The following PRKN variants were observed in gnomAD, a reference collection of about 807,000 sequenced individuals.
PRKN encodes the protein parkin RBR E3 ubiquitin protein ligase.
PRKN carries 56 observed loss-of-function variants against 59.5 expected under a neutral mutation model. That is an observed-to-expected ratio of 0.94 (90% CI 0.76 to 1.18). The LOEUF is 1.18. PRKN is among the 50% of genes most tolerant of loss of function. PRKN has a pLI of 0.00. For synonymous variants in PRKN, 250 were observed against 222.1 expected (o/e 1.13, Z -1.12); for missense variants, 657 against 596.4 (o/e 1.10, Z -1.06).
chr6:162,488,346 C>T (rs1792652333), intron 1 of PRKN, among the ~76,000 whole-genome samples: 1 of 152,128 alleles, frequency 6.6e-6, no homozygotes, highest in Admixed American at 6.5e-5. Flanking sequence ...ATGTATGTCC[C>T]ACGACAATAA....
intron 7 of PRKN, among the ~76,000 whole-genome samples, chr6:161,663,495 C>T (rs1029857843): frequency 6.6e-6 from 1 of 152,116 alleles, no homozygotes; most frequent in African/African-American, 2.4e-5. Flanking sequence ...TAATCGAACA[C>T]ATGGATACAA....
At chr6:161,840,497 C>A (rs1204767996) in intron 6 of PRKN, among the ~76,000 whole-genome samples, 5 of 152,156 alleles carry the variant, frequency 3.3e-5, no homozygotes, top group African/African-American at 7.2e-5. Context: ...AGGTTTGTTA[C>A]ATAGGTAAAT....
chr6:161,715,934 T>G, intron 7 of PRKN: 1 of 424,668 alleles, frequency 2.4e-6, no homozygotes, highest in Admixed American at 2.8e-5. Context: ...TGTTAGAAAC[T>G]CAAATTATGA....
chr6:161,534,883 A>C (rs779429195), intron 9 of PRKN, among the ~76,000 whole-genome samples: 7 of 152,244 alleles, frequency 4.6e-5, no homozygotes, highest in African/African-American at 7.2e-5. Context: ...GTTGCTAAAA[A>C]CAGCGTGATT....
At chr6:162,429,362 C>G (rs1583558929) in intron 2 of PRKN, among the ~76,000 whole-genome samples, 1 of 152,168 alleles carries the variant, frequency 6.6e-6, no homozygotes, top group Non-Finnish European at 1.5e-5. Context: ...CTGTCTTACC[C>G]ATCACCGGAA....
chr6:161,979,635 AG>A (rs1423257896), intron 5 of PRKN, among the ~76,000 whole-genome samples: 1 of 152,198 alleles, frequency 6.6e-6, no homozygotes, highest in Non-Finnish European at 1.5e-5. Flanking sequence ...TCAAGTTCTT[AG>A]AAAGGCTACT....
chr6:162,688,643 A>G (rs1267489446), intron 1 of PRKN, among the ~76,000 whole-genome samples: 2 of 152,210 alleles, frequency 1.3e-5, no homozygotes, highest in Non-Finnish European at 2.9e-5. Flanking sequence ...ACAGCATTAC[A>G]TATTTTACAT....
At chr6:162,594,102 A>G (rs1337186108) in intron 1 of PRKN, among the ~76,000 whole-genome samples, 1 of 151,282 alleles carries the variant, frequency 6.6e-6, no homozygotes, top group East Asian at 1.9e-4. Flanking sequence ...GTCAGCAGAG[A>G]TTGTACCACT....
intron 2 of PRKN, among the ~76,000 whole-genome samples, chr6:162,395,647 T>C (rs1328646398): frequency 6.6e-6 from 1 of 151,872 alleles, no homozygotes; most frequent in Non-Finnish European, 1.5e-5. Flanking sequence ...TATGCAGCCA[T>C]AGACACTGAT....
intron 6 of PRKN, among the ~76,000 whole-genome samples, chr6:161,931,864 C>T (rs918542903): frequency 7.2e-5 from 11 of 152,076 alleles, no homozygotes; most frequent in Admixed American, 2.0e-4. Context: ...GAGAATTTAG[C>T]ACAAAACTGT....
At position 161,448,239 on chromosome 6, in the gene PRKN, T is replaced by C. The variant is rs561034796; in HGVS notation, c.1084-61362A>G. ...ACTGGATTCTTGGAATATCAGAAAT[T>C]CATCATTCTTTGGTGTCTGCGTATC... is the stretch of plus-strand genomic sequence containing the variant. On this transcript the variant is annotated intron_variant, in intron 9 of 11. Coordinates refer to ENST00000366898, the MANE Select transcript of PRKN (RefSeq NM_004562.3). This position sits in a 1 kb window ranked among gnomAD's most constrained non-coding sequence, Gnocchi z 5.1. 6.6e-6 allele frequency among the ~76,000 whole-genome samples: 1 copy of C among 152,354 alleles called. No homozygotes were observed. The highest frequency in any genetic ancestry group is 2.1e-4 in the South Asian group (1 of 4,828).
intron 6 of PRKN, among the ~76,000 whole-genome samples, chr6:161,875,987 TCAGAAGG>T (rs1794719482): frequency 6.6e-6 from 1 of 152,106 alleles, no homozygotes; most frequent in South Asian, 2.1e-4. Context: ...TGAAAGACTC[TCAGAAGG>T]CAGGAGTATC....
At chr6:161,559,139 T>TC (rs1289660209) in intron 8 of PRKN, among the ~76,000 whole-genome samples, 6 of 151,564 alleles carry the variant, frequency 4.0e-5, no homozygotes, top group African/African-American at 1.2e-4. Context: ...TTTTTTTTTT[T>TC]CCAGATATTT....
intron 6 of PRKN, among the ~76,000 whole-genome samples, chr6:161,841,358 T>C (rs994166482): frequency 6.6e-6 from 1 of 151,586 alleles, no homozygotes; most frequent in Non-Finnish European, 1.5e-5. Context: ...TTTTCCTTTT[T>C]TTTTTTTTTG....
intron 2 of PRKN, among the ~76,000 whole-genome samples, chr6:162,432,043 G>T (rs938979915): frequency 6.6e-6 from 1 of 152,018 alleles, no homozygotes; most frequent in Non-Finnish European, 1.5e-5. Flanking sequence ...CCTCTTCAGG[G>T]AAATCTTTAA....
chr6:162,396,582 T>A (rs972073442), intron 2 of PRKN, among the ~76,000 whole-genome samples: 6 of 152,076 alleles, frequency 3.9e-5, no homozygotes, highest in African/African-American at 1.4e-4. Flanking sequence ...GAGCCCGAGG[T>A]CCCACATCGA....
chr6:161,638,390 G>A (rs757414755), intron 7 of PRKN, among the ~76,000 whole-genome samples: 28 of 152,116 alleles, frequency 1.8e-4, no homozygotes, highest in Admixed American at 4.6e-4. Context: ...CTGCCTCGGC[G>A]TCCCAAAGTG....
chr6:162,404,948 C>G (rs1039465976), intron 2 of PRKN, among the ~76,000 whole-genome samples: 2 of 152,150 alleles, frequency 1.3e-5, no homozygotes, highest in African/African-American at 4.8e-5. Context: ...CTTCATAGAT[C>G]TCTATATACA....
At chr6:162,510,108 C>T (rs529691966) in intron 1 of PRKN, among the ~76,000 whole-genome samples, 34 of 152,180 alleles carry the variant, frequency 2.2e-4, no homozygotes, top group Admixed American at 8.5e-4. Context: ...GCATTTTCTC[C>T]GATGTAACAT....
Sources: gnomAD v4.1 joint callset for allele counts (sites outside exome capture counted in the v4.1 genomes callset) on GRCh38, gnomAD v4.1.1 for gene constraint, Gnocchi (gnomAD v3.1) non-coding constraint, MANE v1.5 for transcripts, NCBI Gene and HGNC (gene_info 2026-07-23, HGNC 2026-07-21) for gene names.